RSU1: variants seen among roughly 807,000 people sequenced by gnomAD.
The protein encoded by RSU1 is rsu-1.
A neutral mutation model predicts 31.1 loss-of-function variants in RSU1; 26 were observed. That is an observed-to-expected ratio of 0.84 (90% CI 0.61 to 1.16). The LOEUF is 1.16. RSU1 is among the 50% of genes most tolerant of loss of function. RSU1 has a pLI of 0.00. For synonymous variants in RSU1, 164 were observed against 136.3 expected (o/e 1.20, Z -1.41); for missense variants, 320 against 339.1 (o/e 0.94, Z 0.44).
At chr10:16,636,226 TCTGGAGGCAGCTCAC>T (rs1290588704) in intron 8 of RSU1, among the ~76,000 whole-genome samples, 3 of 152,162 alleles carry the variant, frequency 2.0e-5, no homozygotes, top group Non-Finnish European at 4.4e-5. Flanking sequence ...CACTTAGATA[TCTGGAGGCAGCTCAC>T]CTTTAACTAT....
intron 5 of RSU1, among the ~76,000 whole-genome samples, chr10:16,753,841 T>C (rs1374449468): frequency 6.6e-6 from 1 of 152,122 alleles, no homozygotes; most frequent in Non-Finnish European, 1.5e-5. Flanking sequence ...CACTGCAGCC[T>C]CAAACTCCTG....
intron 7 of RSU1, among the ~76,000 whole-genome samples, chr10:16,696,474 A>G (rs1333401789): frequency 2.0e-5 from 3 of 152,158 alleles, no homozygotes; most frequent in Non-Finnish European, 2.9e-5. Context: ...ACTTGCAACT[A>G]TTCAGAAAAA....
intron 2 of RSU1, among the ~76,000 whole-genome samples, chr10:16,796,736 TG>T (rs11298486): frequency 0.21 from 31,946 of 151,982 alleles, 3,451 homozygotes; most frequent in African/African-American, 0.27. Context: ...GCAGGAAACG[TG>T]GAGGCAGCAT....
intron 8 of RSU1, among the ~76,000 whole-genome samples, chr10:16,609,570 T>C (rs547911897): frequency 6.6e-6 from 1 of 152,240 alleles, no homozygotes; most frequent in Admixed American, 6.5e-5. Flanking sequence ...GCCAAGCACC[T>C]CCCGGGCCCC....
At chr10:16,774,367 G>A (rs984433034) in intron 3 of RSU1, among the ~76,000 whole-genome samples, 1 of 152,154 alleles carries the variant, frequency 6.6e-6, no homozygotes, top group Non-Finnish European at 1.5e-5. Context: ...GAGGCCAGGA[G>A]TTCAAGACCA....
chr10:16,597,417 A>G (rs1833634795), intron 8 of RSU1, among the ~76,000 whole-genome samples: 1 of 152,108 alleles, frequency 6.6e-6, no homozygotes, highest in Non-Finnish European at 1.5e-5. Flanking sequence ...GCCAGGTGGG[A>G]GCCAGTGGCC....
chr10:16,666,268 T>C lies in RSU1; in HGVS notation c.731+28755A>G, dbSNP rs147122652. 4.4e-3 allele frequency among the ~76,000 whole-genome samples: 663 copies of C among 152,240 alleles called. 3 individuals are homozygous for C. Among genetic ancestry groups the C allele is most frequent in the African/African-American group, 0.015 (623 of 41,534 alleles). The stretch of plus-strand genomic sequence containing the variant: ...ACTTCAAGGATATGATTTGAAATAA[T>C]AGATCATATCTACATCTTTGAAATA... On this transcript the variant is annotated intron_variant, in intron 8 of 8. Coordinates refer to ENST00000345264, the MANE Select transcript of RSU1 (RefSeq NM_012425.4).
chr10:16,622,586 T>C lies in RSU1; in HGVS notation c.732-29090A>G, dbSNP rs142296147. ...ACACAGGTGCAACCTGAACTAAAATTAGCACTCAGTGAGAATAGATATGGG... is the reference window on the plus strand; with the variant it reads ...ACACAGGTGCAACCTGAACTAAAATCAGCACTCAGTGAGAATAGATATGGG... On this transcript the variant is annotated intron_variant, in intron 8 of 8. Transcript: ENST00000345264. Among the ~76,000 whole-genome samples, 63 of 152,182 alleles carry C rather than the reference T, an allele frequency of 4.1e-4. No homozygotes were observed. In the South Asian group the frequency reaches 0.011, roughly 26 times the overall value.
intron 2 of RSU1, among the ~76,000 whole-genome samples, chr10:16,807,316 G>T (rs192113453): frequency 1.0e-3 from 154 of 152,284 alleles, no homozygotes; most frequent in African/African-American, 3.6e-3. Context: ...CAAAGAAACG[G>T]ATGAAATAAG....
chr10:16,605,822 G>A (rs1305301903), intron 8 of RSU1, among the ~76,000 whole-genome samples: 8 of 152,256 alleles, frequency 5.3e-5, no homozygotes, highest in Non-Finnish European at 1.2e-4. Flanking sequence ...GCCTTTTTGA[G>A]ACAGGGTCTC....
At chr10:16,634,606 T>C (rs1437528998) in intron 8 of RSU1, among the ~76,000 whole-genome samples, 1 of 152,232 alleles carries the variant, frequency 6.6e-6, no homozygotes, top group Non-Finnish European at 1.5e-5. Context: ...TTTTTCTTAC[T>C]GTGTCCAGTA....
chr10:16,725,809 C>A (rs1836381451), intron 7 of RSU1, among the ~76,000 whole-genome samples: 1 of 146,608 alleles, frequency 6.8e-6, no homozygotes, highest in African/African-American at 2.5e-5. Flanking sequence ...TTTTGTGAAA[C>A]CAGCACAAAA....
rs76211478 is a variant in RSU1, at chr10:16,677,603, AG to A, written c.731+17419del. ...TGCAAGGAGCTGTTTCCCCATTTGC[AG>A]TTCTCTTCTAACCATGTTCCAAAAA... On this transcript the variant is annotated intron_variant, in intron 8 of 8. Coordinates refer to ENST00000345264, the MANE Select transcript of RSU1 (RefSeq NM_012425.4). 0.012 allele frequency among the ~76,000 whole-genome samples: 1,859 copies of A among 152,276 alleles called. 63 individuals carry two copies. In the East Asian group the frequency reaches 0.14, roughly 11 times the overall value.
intron 8 of RSU1, among the ~76,000 whole-genome samples, chr10:16,616,408 A>C (rs1833978474): frequency 6.6e-6 from 1 of 150,796 alleles, no homozygotes; most frequent in Non-Finnish European, 1.5e-5. Flanking sequence ...CCAGGACCAG[A>C]TGGATTCACA....
chr10:16,768,479 G>A (rs1397596857), intron 3 of RSU1, among the ~76,000 whole-genome samples: 2 of 151,364 alleles, frequency 1.3e-5, no homozygotes. Flanking sequence ...TGCTAGGTTT[G>A]CGGGAACAGT....
intron 8 of RSU1, among the ~76,000 whole-genome samples, chr10:16,611,535 T>C (rs1833891539): frequency 6.6e-6 from 1 of 152,232 alleles, no homozygotes; most frequent in Non-Finnish European, 1.5e-5. Flanking sequence ...TGACAACTGT[T>C]GATTTGTTTC....
chr10:16,731,631 G>C (rs1421920953), intron 7 of RSU1, among the ~76,000 whole-genome samples: 1 of 152,150 alleles, frequency 6.6e-6, no homozygotes, highest in Non-Finnish European at 1.5e-5. Flanking sequence ...GCATGAAAAT[G>C]TCTATTGCAC....
intron 7 of RSU1, among the ~76,000 whole-genome samples, chr10:16,726,608 T>C (rs1027919536): frequency 6.6e-6 from 1 of 152,182 alleles, no homozygotes; most frequent in African/African-American, 2.4e-5. Flanking sequence ...TACTTCTGAT[T>C]ATTTCAAGGT....
intron 7 of RSU1, among the ~76,000 whole-genome samples, chr10:16,737,252 G>T (rs527809663): frequency 9.6e-4 from 146 of 151,772 alleles, no homozygotes; most frequent in African/African-American, 3.4e-3. Context: ...CAAACTTTAT[G>T]AACACTATAA....
Sources: allele counts gnomAD v4.1 joint callset (sites outside exome capture counted in the v4.1 genomes callset), GRCh38; gene constraint gnomAD v4.1.1; transcripts MANE v1.5; gene names NCBI Gene and HGNC (gene_info 2026-07-23, HGNC 2026-07-21).